The following TMEM200A variants were observed in gnomAD, a reference collection of about 807,000 sequenced individuals.
TMEM200A encodes two transmembrane C.
TMEM200A carries 12 observed loss-of-function variants against 24.3 expected under a neutral mutation model. The ratio of observed to expected loss-of-function variants is 0.49; its 90% confidence interval spans 0.32 to 0.80. TMEM200A has a LOEUF of 0.80. TMEM200A is among the 30% of genes least tolerant of loss of function. TMEM200A has a pLI of 0.04. For missense variants in TMEM200A, 545 were observed against 614.4 expected (o/e 0.89, Z 1.19); for synonymous variants, 224 against 224.4 (o/e 1.00, Z 0.02).
At position 130,442,097 on chromosome 6, in the gene TMEM200A, A is replaced by T. The variant is rs1780209325; in HGVS notation, c.*199A>T. The T allele has an allele frequency of 6.8e-6, 3 of 440,062 alleles. No homozygotes were observed. Among genetic ancestry groups the T allele is most frequent in the Non-Finnish European group, 1.2e-5 (3 of 243,956 alleles). 27.3% of individuals were successfully genotyped at this position (440,062 alleles called of 1,614,324 possible). On this transcript the variant is annotated 3_prime_UTR_variant, in exon 3 of 3. Transcript: ENST00000296978. ...GCAGTACTCTATGTTACCACACATG[A>T]TTTTATTTTTCTCTTCCTTTGAAAG...
At chr6:130,408,577 G>A (rs979149392) in intron 2 of TMEM200A, among the ~76,000 whole-genome samples, 1 of 152,148 alleles carries the variant, frequency 6.6e-6, no homozygotes, top group African/African-American at 2.4e-5. Context: ...TGTGGGGTGG[G>A]CATGAGGAAA....
At chr6:130,406,065 A>G (rs1483216395) in intron 2 of TMEM200A, among the ~76,000 whole-genome samples, 1 of 152,180 alleles carries the variant, frequency 6.6e-6, no homozygotes, top group East Asian at 1.9e-4. Flanking sequence ...GAAGGAGCTC[A>G]TACATCATTT....
intron 2 of TMEM200A, among the ~76,000 whole-genome samples, chr6:130,422,033 C>T (rs1447574350): frequency 6.6e-6 from 1 of 152,130 alleles, no homozygotes; most frequent in Non-Finnish European, 1.5e-5. Context: ...TTGCAGATAT[C>T]TCTTCAACAT....
intron 2 of TMEM200A, among the ~76,000 whole-genome samples, chr6:130,387,472 C>A (rs1249785991): frequency 2.0e-5 from 3 of 152,102 alleles, no homozygotes; most frequent in African/African-American, 7.2e-5. Flanking sequence ...GGGGTTTCAC[C>A]ATGTTGGCCA....
intron 2 of TMEM200A, among the ~76,000 whole-genome samples, chr6:130,408,484 C>T (rs1232421846): frequency 6.6e-6 from 1 of 152,108 alleles, no homozygotes; most frequent in African/African-American, 2.4e-5. Context: ...GCATGTGTTG[C>T]ATCTTAGACA....
At chr6:130,382,302 C>T (rs1484189502) in intron 1 of TMEM200A, among the ~76,000 whole-genome samples, 1 of 152,164 alleles carries the variant, frequency 6.6e-6, no homozygotes, top group African/African-American at 2.4e-5. Context: ...CCTTCCCTTT[C>T]GGCTCGCACT....
At chr6:130,432,861 A>C (rs1273305714) in intron 2 of TMEM200A, among the ~76,000 whole-genome samples, 1 of 152,152 alleles carries the variant, frequency 6.6e-6, no homozygotes. Context: ...CCATTTTACA[A>C]ATGAAGGAAC....
intron 2 of TMEM200A, among the ~76,000 whole-genome samples, chr6:130,415,287 A>G (rs533522564): frequency 2.0e-5 from 3 of 152,276 alleles, no homozygotes; most frequent in African/African-American, 4.8e-5. Flanking sequence ...TAGTGAGCAC[A>G]TAATAAGGTA....
rs1312988298 is a variant in TMEM200A at position 130,440,879 on chromosome 6, A to G, written c.457A>G (p.Lys153Glu). Residue 153 changes from lysine (K) to glutamate (E), a missense_variant, in exon 3 of 3, where the codon AAA (lysine) becomes GAA (glutamate). Physicochemically the swap from Lys to Glu is moderately conservative, Grantham distance 56. Coordinates refer to ENST00000296978, the MANE Select transcript of TMEM200A (RefSeq NM_001258277.2). ...ANAILHENRD[K>E]ETKIIHMRDI... ...TGCCATTCTTCATGAAAACCGTGACAAAGAGACCAAAATCATACACATGAG... is the reference window on the plus strand; with the variant it reads ...TGCCATTCTTCATGAAAACCGTGACGAAGAGACCAAAATCATACACATGAG... The G allele has an allele frequency of 1.9e-6, 3 of 1,613,980 alleles. No individual in the cohort carries two copies. Among genetic ancestry groups the G allele is most frequent in the Non-Finnish European group, 2.5e-6 (3 of 1,180,004 alleles).
chr6:130,372,060 G>C (rs1184136855), intron 1 of TMEM200A, among the ~76,000 whole-genome samples: 2 of 152,212 alleles, frequency 1.3e-5, no homozygotes, highest in Non-Finnish European at 2.9e-5. Flanking sequence ...GGCTCAGAAG[G>C]TTAAGTGACT....
Position 130,366,769 on chromosome 6 carries a change from G to A in TMEM200A, c.-81+245G>A, listed in dbSNP as rs1778168436. ...CAGCCTCCAAGAACCCGGAGTACTG[G>A]AGCGCCTGGCTGGGTTTCTCCAAGC... is the stretch of plus-strand genomic sequence containing the variant. On this transcript the variant is annotated intron_variant, in intron 1 of 2. Coordinates refer to ENST00000296978, the MANE Select transcript of TMEM200A (RefSeq NM_001258277.2). The surrounding 1 kb of genome is among the most constrained non-coding windows in gnomAD (Gnocchi z 4.4). 6.6e-6 allele frequency among the ~76,000 whole-genome samples: 1 copy of A among 152,180 alleles called. No individual in the cohort carries two copies. The highest frequency in any genetic ancestry group is 6.5e-5 in the Admixed American group (1 of 15,288).
intron 2 of TMEM200A, among the ~76,000 whole-genome samples, chr6:130,390,099 A>G (rs1488693945): frequency 6.6e-6 from 1 of 152,242 alleles, no homozygotes; most frequent in East Asian, 1.9e-4. Context: ...TTTCAAAAAA[A>G]GTATAAAAAA....
At chr6:130,370,260 T>G (rs1778288068) in intron 1 of TMEM200A, among the ~76,000 whole-genome samples, 1 of 152,196 alleles carries the variant, frequency 6.6e-6, no homozygotes, top group Non-Finnish European at 1.5e-5. Flanking sequence ...CCAGGTCCCA[T>G]TTTTATAAAT....
intron 2 of TMEM200A, among the ~76,000 whole-genome samples, chr6:130,388,536 A>G (rs971626306): frequency 8.5e-5 from 13 of 152,216 alleles, no homozygotes; most frequent in African/African-American, 7.2e-5. Context: ...TCATTCATGC[A>G]TAGTATTTCA....
chr6:130,422,852 G>A (rs984353291), intron 2 of TMEM200A, among the ~76,000 whole-genome samples: 1 of 152,050 alleles, frequency 6.6e-6, no homozygotes, highest in Non-Finnish European at 1.5e-5. Flanking sequence ...TTATATTTCT[G>A]GTATCTTGCT....
At chr6:130,432,480 C>A (rs1779901575) in intron 2 of TMEM200A, among the ~76,000 whole-genome samples, 1 of 152,136 alleles carries the variant, frequency 6.6e-6, no homozygotes, top group Non-Finnish European at 1.5e-5. Flanking sequence ...AATGCTTTTG[C>A]CACTAAAATA....
chr6:130,426,344 G>A (rs1444680265), intron 2 of TMEM200A, among the ~76,000 whole-genome samples: 3 of 152,058 alleles, frequency 2.0e-5, no homozygotes, highest in Non-Finnish European at 2.9e-5. Context: ...CAAACGGAGG[G>A]AGTGGACTAG....
rs60042028 is a variant in TMEM200A, at chr6:130,418,923, C to T, written c.-16-21484C>T. On this transcript the variant is annotated intron_variant, in intron 2 of 2. Transcript: ENST00000296978. ...TCATTTGTATGTATTGGGAACATAT[C>T]GAGTCCTCTCTTCTAGCTATTTTGA... Among the ~76,000 whole-genome samples the T allele has an allele frequency of 3.9e-5, 6 of 152,150 alleles. No homozygotes were observed. The East Asian group carries it at 5.8e-4, about 15-fold the overall frequency.
intron 2 of TMEM200A, among the ~76,000 whole-genome samples, chr6:130,409,364 A>G (rs888759828): frequency 3.8e-4 from 58 of 152,202 alleles, no homozygotes; most frequent in Non-Finnish European, 1.3e-4. Flanking sequence ...AATAAACTTT[A>G]TAAAATGAAG....
Sources: allele counts gnomAD v4.1 joint callset (sites outside exome capture counted in the v4.1 genomes callset), GRCh38; gene constraint gnomAD v4.1.1; non-coding constraint Gnocchi (gnomAD v3.1); transcripts MANE v1.5; gene names NCBI Gene and HGNC (gene_info 2026-07-23, HGNC 2026-07-21).